The following TTBK2 variants were observed in gnomAD, a reference collection of about 807,000 sequenced individuals.
TTBK2 encodes tau-tubulin kinase 2.
In TTBK2, 28 loss-of-function variants were observed where a neutral mutation model predicts 110.8. The observed-to-expected ratio is 0.25, with a 90% CI of 0.19 to 0.35. The LOEUF (loss-of-function observed/expected upper bound fraction) is 0.35, where lower values mean the gene tolerates loss of function less well. Ranked by LOEUF, TTBK2 falls within the 10% of genes least tolerant of loss-of-function variation. The pLI is 1.00. For missense variants in TTBK2, 1,369 were observed against 1,500.3 expected (o/e 0.91, Z 1.45); for synonymous variants, 532 against 527.3 (o/e 1.01, Z -0.12).
At chr15:42,824,306 C>T (rs1456060259) in intron 6 of TTBK2, among the ~76,000 whole-genome samples, 1 of 152,122 alleles carries the variant, frequency 6.6e-6, no homozygotes, top group African/African-American at 2.4e-5. Context: ...TATACCACCC[C>T]TCCCCCACCA....
rs886284067 is a variant in TTBK2 at position 42,742,077 on chromosome 15, C to T, written c.*3718G>A. On this transcript the variant is annotated 3_prime_UTR_variant, in exon 15 of 15. Coordinates refer to ENST00000267890, the MANE Select transcript of TTBK2 (RefSeq NM_173500.4). ...AATCTCTGAAGATACTGAAGAACCTCAAGTTCCCTACATTGCTAGGAGCCA... is the reference window on the plus strand; with the variant it reads ...AATCTCTGAAGATACTGAAGAACCTTAAGTTCCCTACATTGCTAGGAGCCA... 6.6e-6 allele frequency: 1 copy of T among 152,222 alleles called. No homozygotes were observed. The highest frequency in any genetic ancestry group is 1.5e-5 in the Non-Finnish European group (1 of 68,034). 9.4% of individuals were successfully genotyped at this position (152,222 alleles called of 1,614,324 possible).
In TTBK2 at chr15:42,752,663, T is replaced by G; in HGVS notation, c.2583A>C (p.Pro861=). 1 of 1,614,164 alleles carries G rather than the reference T, an allele frequency of 6.2e-7. No homozygotes were observed. The highest frequency in any genetic ancestry group is 8.5e-7 in the Non-Finnish European group (1 of 1,180,038). The change falls in exon 14 of 15, where the codon CCA becomes CCC. Residue 861 remains proline, a synonymous_variant. Coordinates refer to ENST00000267890, the MANE Select transcript of TTBK2 (RefSeq NM_173500.4). ...TSEISSRDID[P]HVEGQIGQVA... ...CTTGGCCTATCTGACCTTCAACATG[T>G]GGGTCAATGTCTCTGGAAGAAATTT...
intron 4 of TTBK2, among the ~76,000 whole-genome samples, chr15:42,830,719 G>T (rs531596097): frequency 2.2e-4 from 34 of 151,560 alleles, no homozygotes; most frequent in Admixed American, 1.6e-3. Flanking sequence ...TAAAATATGT[G>T]ATCAGGCCAG....
chr15:42,883,280 C>A (rs568374155), intron 1 of TTBK2, among the ~76,000 whole-genome samples: 2 of 150,958 alleles, frequency 1.3e-5, no homozygotes, highest in African/African-American at 4.9e-5. Context: ...ACTCGGGAGG[C>A]TGAGGCAGGA....
In TTBK2 at chr15:42,777,160, C is replaced by A. The variant is rs775362114; in HGVS notation, c.1280G>T (p.Arg427Leu). 1 of 1,614,198 alleles carries A rather than the reference C, an allele frequency of 6.2e-7. No individual in the cohort carries two copies. The highest frequency in any genetic ancestry group is 8.5e-7 in the Non-Finnish European group (1 of 1,180,034). ...TCTGTCTGGCTGAGTAATCTCTGAG[C>A]GGACACGAATTGGTGACCCAAGGCT... Reference protein sequence around the residue: ...APSLGSPIRVRSEITQPDRDI... With the variant: ...APSLGSPIRVLSEITQPDRDI... Residue 427 changes from arginine to leucine, a missense_variant, in exon 12 of 15, where the codon CGC becomes CTC. Arg to Leu is a moderately radical substitution (Grantham distance 102, BLOSUM62 -2). Coordinates refer to ENST00000267890, the MANE Select transcript of TTBK2 (RefSeq NM_173500.4).
chr15:42,763,099 T>C (rs1448346260), intron 13 of TTBK2, among the ~76,000 whole-genome samples: 13 of 118,092 alleles, frequency 1.1e-4, no homozygotes, highest in Non-Finnish European at 1.6e-4. Flanking sequence ...TATATATATA[T>C]ATACGTATAT....
At chr15:42,907,570 A>C (rs1357563454) in intron 1 of TTBK2, among the ~76,000 whole-genome samples, 1 of 152,222 alleles carries the variant, frequency 6.6e-6, no homozygotes, top group Non-Finnish European at 1.5e-5. Context: ...GTACAGAAAA[A>C]TAAATGTTGT....
intron 11 of TTBK2, among the ~76,000 whole-genome samples, 176 bp downstream of exon 11, chr15:42,783,243 C>T (rs1456873994): frequency 2.0e-5 from 3 of 152,050 alleles, no homozygotes; most frequent in African/African-American, 7.2e-5. Context: ...GAGTGGTGTC[C>T]TTACAAAAGA....
chr15:42,819,715 G>A (rs1892207274), intron 6 of TTBK2, among the ~76,000 whole-genome samples: 1 of 152,172 alleles, frequency 6.6e-6, no homozygotes, highest in Admixed American at 6.5e-5. Flanking sequence ...TTGATTGATG[G>A]AACTAAGGTT....
chr15:42,786,942 C>T (rs1029368363), intron 10 of TTBK2, among the ~76,000 whole-genome samples: 1 of 152,148 alleles, frequency 6.6e-6, no homozygotes, highest in African/African-American at 2.4e-5. Flanking sequence ...GTGTTATTAG[C>T]ACATGGTCTG....
At chr15:42,903,163 A>C (rs1166683515) in intron 1 of TTBK2, among the ~76,000 whole-genome samples, 2 of 152,210 alleles carry the variant, frequency 1.3e-5, no homozygotes, top group African/African-American at 4.8e-5. Flanking sequence ...ACTAAGTGAA[A>C]TGATTCAGCA....
At position 42,886,114 on chromosome 15, in the gene TTBK2, C is replaced by G. The variant is rs1368325719; in HGVS notation, c.-67-7430G>C. Among the ~76,000 whole-genome samples the G allele has an allele frequency of 2.0e-5, 3 of 152,068 alleles. No individual in the cohort carries two copies. The East Asian group carries it at 5.8e-4, about 29-fold the overall frequency. ...TTTCTTCTTTCTGTCCTATCTGTTC[C>G]TTCAGTCTCCACCCCAAGCTCTGAG... On this transcript the variant is annotated intron_variant, in intron 1 of 14. Coordinates refer to ENST00000267890, the MANE Select transcript of TTBK2 (RefSeq NM_173500.4).
rs757564254 is a variant in TTBK2 at position 42,840,452 on chromosome 15, CA to C, written c.218-20del. The C allele has an allele frequency of 6.2e-7, 1 of 1,605,148 alleles. No individual in the cohort carries two copies. Among genetic ancestry groups the C allele is most frequent in the Non-Finnish European group, 8.5e-7 (1 of 1,172,056 alleles). ...TCTTTCCCTGGATAAAAAAAGAAAACAGTGGAAAAGAATATACTATGGTTTC... is the reference window on the plus strand; with the variant it reads ...TCTTTCCCTGGATAAAAAAAGAAAACGTGGAAAAGAATATACTATGGTTTC... On this transcript the variant is annotated intron_variant, in intron 3 of 14. Transcript: ENST00000267890.
intron 6 of TTBK2, among the ~76,000 whole-genome samples, chr15:42,826,375 G>C (rs758218661): frequency 1.9e-4 from 29 of 152,068 alleles, no homozygotes; most frequent in Non-Finnish European, 3.4e-4. Flanking sequence ...ATCCCATAAG[G>C]AGACCAAATA....
Position 42,745,732 on chromosome 15 carries a change from G to T in TTBK2, c.*63C>A. ...GATTTTTTTACATAGAAAGTACAGGGACACACATGCATCAGGTTTAGGAGG... is the reference window on the plus strand; with the variant it reads ...GATTTTTTTACATAGAAAGTACAGGTACACACATGCATCAGGTTTAGGAGG... On this transcript the variant is annotated 3_prime_UTR_variant, in exon 15 of 15. Coordinates refer to ENST00000267890, the MANE Select transcript of TTBK2 (RefSeq NM_173500.4). The T allele has an allele frequency of 6.4e-7, 1 of 1,570,250 alleles. No individual in the cohort carries two copies. The highest frequency in any genetic ancestry group is 8.8e-7 in the Non-Finnish European group (1 of 1,141,620).
chr15:42,872,504 A>C, intron 3 of TTBK2, 107 bp downstream of exon 3: 1 of 1,328,394 alleles, frequency 7.5e-7, no homozygotes, highest in Non-Finnish European at 1.1e-6. Context: ...GGCTGACACC[A>C]GTACATTCAA....
At chr15:42,762,272 T>C (rs1191905000) in intron 13 of TTBK2, among the ~76,000 whole-genome samples, 1 of 152,300 alleles carries the variant, frequency 6.6e-6, no homozygotes, top group Non-Finnish European at 1.5e-5. Flanking sequence ...AAACTACAAA[T>C]AGAACTACCA....
chr15:42,920,809 TC>T (rs1745428059), upstream of TTBK2: 1 of 152,768 alleles, frequency 6.5e-6, no homozygotes, highest in Non-Finnish European at 1.5e-5. Flanking sequence ...GACGTTATTC[TC>T]CCCCCTCGTA....
In TTBK2 at chr15:42,872,629, C is replaced by T; in HGVS notation, c.199G>A (p.Val67Ile). Residue 67 changes from valine to isoleucine, a missense_variant, in exon 3 of 15, where the codon GTT (valine) becomes ATT (isoleucine). Transcript: ENST00000267890. ...GGCTTACCTTGCAGCTTTTTCAAAA[C>T]AGCAACTTCCATTTTCAGAACTTGT... ...PKQVLKMEVAVLKKLQGKDHV... is the reference protein window; with the variant it reads ...PKQVLKMEVAILKKLQGKDHV... 1 of 1,614,118 alleles carries T rather than the reference C, an allele frequency of 6.2e-7. No homozygotes were observed. Among genetic ancestry groups the T allele is most frequent in the South Asian group, 1.1e-5 (1 of 91,086 alleles).
Sources: allele counts gnomAD v4.1 joint callset (sites outside exome capture counted in the v4.1 genomes callset), GRCh38; gene constraint gnomAD v4.1.1; transcripts MANE v1.5; gene names NCBI Gene and HGNC (gene_info 2026-07-23, HGNC 2026-07-21).